Variants in PRKCB observed in about 807,000 individuals in gnomAD.
The protein encoded by PRKCB is protein kinase C beta type.
A neutral mutation model predicts 81.5 loss-of-function variants in PRKCB; 13 were observed. That is an observed-to-expected ratio of 0.16 (90% CI 0.10 to 0.25). PRKCB has a LOEUF of 0.25. Ranked by LOEUF, PRKCB falls within the 10% of genes least tolerant of loss-of-function variation. The pLI is 1.00. For missense variants in PRKCB, 509 were observed against 875.7 expected (o/e 0.58, Z 5.29); for synonymous variants, 335 against 321.4 (o/e 1.04, Z -0.45).
intron 9 of PRKCB, among the ~76,000 whole-genome samples, chr16:24,152,565 C>T (rs949099368): frequency 6.6e-6 from 1 of 152,176 alleles, no homozygotes; most frequent in African/African-American, 2.4e-5. Flanking sequence ...AAGTCACCTC[C>T]CTGCCCCCTC....
intron 7 of PRKCB, among the ~76,000 whole-genome samples, chr16:24,102,537 G>A (rs927580563): frequency 6.6e-6 from 1 of 152,224 alleles, no homozygotes; most frequent in African/African-American, 2.4e-5. Context: ...AGACCGTGTG[G>A]CAGAAACAGC....
chr16:24,027,741 G>A (rs1483471996), intron 3 of PRKCB, among the ~76,000 whole-genome samples: 2 of 152,200 alleles, frequency 1.3e-5, no homozygotes, highest in African/African-American at 4.8e-5. Flanking sequence ...CAGGTTTATT[G>A]AGACATACGT....
chr16:24,133,997 G>A (rs1232287767), intron 9 of PRKCB, among the ~76,000 whole-genome samples: 1 of 151,358 alleles, frequency 6.6e-6, no homozygotes, highest in East Asian at 1.9e-4. Flanking sequence ...CCAGGCTCAA[G>A]CAATCCTCCC....
chr16:24,192,960 C>CT (rs1468113815), intron 16 of PRKCB, among the ~76,000 whole-genome samples: 11 of 151,628 alleles, frequency 7.3e-5, no homozygotes, highest in East Asian at 3.9e-4. Context: ...GAATCATCTC[C>CT]TTTTTTTTCT....
chr16:24,024,495 C>A (rs1395203031), intron 3 of PRKCB, among the ~76,000 whole-genome samples: 1 of 152,160 alleles, frequency 6.6e-6, no homozygotes, highest in Non-Finnish European at 1.5e-5. Flanking sequence ...AAATGATAGG[C>A]AAGTTAGGTG....
intron 2 of PRKCB, among the ~76,000 whole-genome samples, chr16:23,917,652 G>C (rs1963762005): frequency 6.6e-6 from 1 of 152,214 alleles, no homozygotes; most frequent in Admixed American, 6.5e-5. Context: ...GGTCACTGGT[G>C]GAAGGCCATT....
intron 7 of PRKCB, among the ~76,000 whole-genome samples, chr16:24,105,304 C>A (rs1036912584): frequency 6.6e-6 from 1 of 152,214 alleles, no homozygotes; most frequent in East Asian, 1.9e-4. Context: ...ATCTGCCCAC[C>A]TTGGCCTCCC....
chr16:23,976,590 G>A (rs1964630424), intron 2 of PRKCB, among the ~76,000 whole-genome samples: 1 of 152,200 alleles, frequency 6.6e-6, no homozygotes, highest in African/African-American at 2.4e-5. Flanking sequence ...TGGAGGATGG[G>A]TGCTGTCAGG....
At chr16:24,030,207 T>A (rs935958113) in intron 3 of PRKCB, among the ~76,000 whole-genome samples, 24 of 152,232 alleles carry the variant, frequency 1.6e-4, no homozygotes, top group Admixed American at 1.6e-3. Context: ...CTGCAATGTA[T>A]AACAGAGAAA....
chr16:24,056,186 C>A (rs551638129), intron 5 of PRKCB, among the ~76,000 whole-genome samples: 1 of 152,232 alleles, frequency 6.6e-6, no homozygotes, highest in African/African-American at 2.4e-5. Context: ...TTTGAAGCTG[C>A]CAGCCTCTCC....
chr16:24,167,571 A>G (rs1003293762), intron 10 of PRKCB, among the ~76,000 whole-genome samples: 5 of 152,058 alleles, frequency 3.3e-5, no homozygotes, highest in Non-Finnish European at 7.4e-5. Flanking sequence ...GAAAAAAAAA[A>G]ACAAAAAAAT....
At chr16:24,164,262 A>G (rs1967308176) in intron 10 of PRKCB, among the ~76,000 whole-genome samples, 1 of 152,018 alleles carries the variant, frequency 6.6e-6, no homozygotes, top group Non-Finnish European at 1.5e-5. Flanking sequence ...TGAATTCTGC[A>G]CCTCCCACCT....
intron 7 of PRKCB, 130 bp from the exon 8 acceptor site, chr16:24,112,829 AAAACAAACCAAAAC>A: frequency 5.0e-6 from 1 of 199,598 alleles, no homozygotes; most frequent in Non-Finnish European, 1.1e-5. Flanking sequence ...AACATACTGA[AAAACAAACCAAAAC>A]AAACCAAAAA....
intron 5 of PRKCB, among the ~76,000 whole-genome samples, chr16:24,078,098 T>C (rs1232901765): frequency 6.6e-6 from 1 of 152,234 alleles, no homozygotes; most frequent in Non-Finnish European, 1.5e-5. Flanking sequence ...CGACAGACAG[T>C]TTTGATTGAA....
At chr16:24,092,055 C>T (rs902622302) in intron 5 of PRKCB, among the ~76,000 whole-genome samples, 17 of 152,292 alleles carry the variant, frequency 1.1e-4, no homozygotes, top group African/African-American at 4.1e-4. Context: ...TTTAAACGTA[C>T]AATTCAGTGA....
intron 2 of PRKCB, among the ~76,000 whole-genome samples, chr16:23,890,946 A>G (rs748625480): frequency 6.6e-5 from 10 of 152,036 alleles, no homozygotes; most frequent in Non-Finnish European, 1.3e-4. Flanking sequence ...TTATCTTTAT[A>G]TATGTATGTA....
At chr16:23,988,423 T>G in intron 2 of PRKCB, 85 bp from the exon 3 acceptor site, 1 of 1,091,040 alleles carries the variant, frequency 9.2e-7, no homozygotes, top group Non-Finnish European at 1.4e-6. Context: ...AGTTCAAGTT[T>G]AATGATCTCT....
intron 2 of PRKCB, among the ~76,000 whole-genome samples, chr16:23,970,827 G>T (rs1034062609): frequency 6.6e-6 from 1 of 152,168 alleles, no homozygotes; most frequent in Admixed American, 6.5e-5. Flanking sequence ...TCATAAACAG[G>T]TGACTGAGGT....
chr16:24,131,354 A>G (rs1200441456), intron 9 of PRKCB, among the ~76,000 whole-genome samples: 1 of 152,202 alleles, frequency 6.6e-6, no homozygotes, highest in African/African-American at 2.4e-5. Context: ...AACCAATGAC[A>G]TTAAATGCCT....
Sources: gnomAD v4.1 joint callset for allele counts (sites outside exome capture counted in the v4.1 genomes callset) on GRCh38, gnomAD v4.1.1 for gene constraint, MANE v1.5 for transcripts, NCBI Gene and HGNC (gene_info 2026-07-23, HGNC 2026-07-21) for gene names.